CREM: variants seen among roughly 807,000 people sequenced by gnomAD.
CREM encodes the protein cAMP-responsive element modulator.
In CREM, 13 loss-of-function variants were observed where a neutral mutation model predicts 37.3. The observed-to-expected ratio is 0.35, with a 90% CI of 0.23 to 0.55. The LOEUF (loss-of-function observed/expected upper bound fraction) is 0.55, where lower values mean the gene tolerates loss of function less well. Ranked by LOEUF, CREM falls within the 20% of genes least tolerant of loss-of-function variation. CREM has a pLI of 0.88. For missense variants in CREM, 296 were observed against 362.3 expected, an observed-to-expected ratio of 0.82 and a Z score of 1.49; for synonymous variants, 124 against 120.2, an observed-to-expected ratio of 1.03 and a Z score of -0.21.
At chr10:35,186,620 A>C (rs1475137990) in intron 5 of CREM, among the ~76,000 whole-genome samples, 5 of 144,998 alleles carry the variant, frequency 3.4e-5, no homozygotes, top group East Asian at 2.0e-4. Context: ...TTATATATAA[A>C]TATATAATAT....
intron 7 of CREM, 58 bp downstream of exon 7, chr10:35,207,109 T>G: frequency 6.4e-7 from 1 of 1,560,414 alleles, no homozygotes; most frequent in Non-Finnish European, 8.7e-7. Flanking sequence ...AATTACAGTT[T>G]TCACCGGGCG....
intron 3 of CREM, among the ~76,000 whole-genome samples, chr10:35,158,113 G>A (rs571348464): frequency 1.3e-5 from 2 of 152,276 alleles, no homozygotes; most frequent in East Asian, 3.9e-4. Flanking sequence ...TCATGGATTG[G>A]AAGAATTAGT....
chr10:35,183,167 A>G (rs1401886902), intron 5 of CREM, among the ~76,000 whole-genome samples: 1 of 151,878 alleles, frequency 6.6e-6, no homozygotes, highest in Non-Finnish European at 1.5e-5. Flanking sequence ...TGCCTATTGT[A>G]TTTTACGAGG....
chr10:35,175,706 G>C lies in CREM; in HGVS notation c.169-3183G>C, dbSNP rs1589930459. On this transcript the variant is annotated intron_variant, in intron 3 of 7. Transcript: ENST00000685392. ...CCAGGACAGTAACCACCTCCCGATG[G>C]TAAGTATCCTAGATAGTTTGTCATT... is the stretch of plus-strand genomic sequence containing the variant. 6 of 1,614,154 alleles carry C rather than the reference G, an allele frequency of 3.7e-6. 1 individual carries two copies. The East Asian group carries it at 1.3e-4, about 36-fold the overall frequency.
chr10:35,139,080 C>G (rs1451599549), intron 2 of CREM, among the ~76,000 whole-genome samples: 1 of 151,750 alleles, frequency 6.6e-6, no homozygotes, highest in Non-Finnish European at 1.5e-5. Flanking sequence ...AGAAAATAAT[C>G]CTGCTATTAT....
chr10:35,146,425 T>C (rs2092118449), intron 2 of CREM, among the ~76,000 whole-genome samples: 1 of 152,230 alleles, frequency 6.6e-6, no homozygotes, highest in East Asian at 1.9e-4. Flanking sequence ...AGAAACCCTT[T>C]TAATCTTTAA....
chr10:35,183,321 G>A (rs76503662), intron 5 of CREM, among the ~76,000 whole-genome samples: 5 of 152,132 alleles, frequency 3.3e-5, no homozygotes, highest in Non-Finnish European at 5.9e-5. Context: ...GGAGGCTCAC[G>A]AATAAGCACC....
intron 6 of CREM, among the ~76,000 whole-genome samples, chr10:35,206,213 A>G (rs921648970): frequency 6.6e-6 from 1 of 151,670 alleles, no homozygotes; most frequent in East Asian, 1.9e-4. Flanking sequence ...GCGCCACTGC[A>G]CTCCAGCCTG....
intron 6 of CREM, among the ~76,000 whole-genome samples, chr10:35,205,786 C>T (rs1007748053): frequency 2.6e-5 from 4 of 152,090 alleles, no homozygotes; most frequent in African/African-American, 9.7e-5. Flanking sequence ...TGGCAAAACA[C>T]CATCTCTACT....
At chr10:35,191,665 CTG>C (rs909469428) in intron 6 of CREM, among the ~76,000 whole-genome samples, 1 of 152,176 alleles carries the variant, frequency 6.6e-6, no homozygotes, top group African/African-American at 2.4e-5. Context: ...CTTCCTGAGA[CTG>C]TGTCCTCCTT....
In CREM at chr10:35,207,022, C is replaced by T. The variant is rs1160215188; in HGVS notation, c.726C>T (p.Arg242=). 1.3e-5 allele frequency: 21 copies of T among 1,613,872 alleles called. No homozygotes were observed. The highest frequency in any genetic ancestry group is 2.2e-5 in the South Asian group (2 of 91,068). The stretch of plus-strand genomic sequence containing the variant: ...AGCAGCTGGCAGAAGAAGCAACACG[C>T]AAACGAGAGCTGAGGCTAATGAAAA... The part of the protein sequence containing the change: ...SPQQLAEEAT[R]KRELRLMKNR... Residue 242 remains arginine (R), a synonymous_variant, in exon 7 of 8, where the codon CGC becomes CGT. Transcript: ENST00000685392.
intron 3 of CREM, among the ~76,000 whole-genome samples, chr10:35,160,086 G>A (rs1001712267): frequency 1.3e-5 from 2 of 151,972 alleles, no homozygotes; most frequent in Non-Finnish European, 2.9e-5. Context: ...CATCTAGAGT[G>A]TACTTACACA....
intron 3 of CREM, among the ~76,000 whole-genome samples, chr10:35,173,866 A>G (rs528774213): frequency 3.3e-5 from 5 of 152,322 alleles, no homozygotes; most frequent in African/African-American, 1.2e-4. Flanking sequence ...AATTTTTAAG[A>G]GTGTAAAGAT....
chr10:35,190,402 G>A (rs1444724396), intron 6 of CREM, among the ~76,000 whole-genome samples: 1 of 152,096 alleles, frequency 6.6e-6, no homozygotes, highest in African/African-American at 2.4e-5. Flanking sequence ...TTCCTCACTG[G>A]TGTATGGGGC....
At chr10:35,207,145 C>T (rs537598866) in intron 7 of CREM, 94 bp downstream of exon 7, 1 of 1,350,956 alleles carries the variant, frequency 7.4e-7, no homozygotes, top group Admixed American at 2.5e-5. Context: ...GTAATCCCAG[C>T]ACTTTGGGAG....
chr10:35,194,120 AAAAAGAC>A (rs1264372489), intron 6 of CREM, among the ~76,000 whole-genome samples: 16 of 150,538 alleles, frequency 1.1e-4, no homozygotes, highest in Non-Finnish European at 2.2e-4. Context: ...AAAAAAAAAA[AAAAAGAC>A]AAAAGGTCTC....
intron 5 of CREM, among the ~76,000 whole-genome samples, chr10:35,182,017 A>G (rs1424665357): frequency 1.3e-5 from 2 of 152,250 alleles, no homozygotes; most frequent in Non-Finnish European, 2.9e-5. Context: ...CTGTATGTAC[A>G]GTCTGCAGGT....
intron 7 of CREM, chr10:35,210,539 G>T (rs1211680589): frequency 2.0e-5 from 3 of 152,194 alleles, no homozygotes; most frequent in African/African-American, 7.2e-5. Context: ...GAGTTACTCA[G>T]TAGCTTCTTT....
At chr10:35,155,103 A>C (rs1376646251) in intron 3 of CREM, among the ~76,000 whole-genome samples, 1 of 152,198 alleles carries the variant, frequency 6.6e-6, no homozygotes, top group Non-Finnish European at 1.5e-5. Context: ...AAATTTCAGA[A>C]AAATTTTGGT....
Sources: gnomAD v4.1 joint callset for allele counts (sites outside exome capture counted in the v4.1 genomes callset) on GRCh38, gnomAD v4.1.1 for gene constraint, MANE v1.5 for transcripts, NCBI Gene and HGNC (gene_info 2026-07-23, HGNC 2026-07-21) for gene names.